The following SGCD variants were observed in gnomAD, a reference collection of about 807,000 sequenced individuals.
The protein encoded by SGCD is delta-sarcoglycan.
A neutral mutation model predicts 36.6 loss-of-function variants in SGCD; 18 were observed. That is an observed-to-expected ratio of 0.49 (90% CI 0.34 to 0.73). The LOEUF (loss-of-function observed/expected upper bound fraction) is 0.73. Ranked by LOEUF, SGCD falls within the 30% of genes least tolerant of loss-of-function variation. The pLI is 0.01. For synonymous variants in SGCD, 133 were observed against 130.6 expected, an observed-to-expected ratio of 1.02 and a Z score of -0.12; for missense variants, 387 against 346.7, an observed-to-expected ratio of 1.12 and a Z score of -0.92.
intron 3 of SGCD, among the ~76,000 whole-genome samples, chr5:156,302,628 G>A (rs1456129505): frequency 6.6e-6 from 1 of 152,100 alleles, no homozygotes; most frequent in African/African-American, 2.4e-5. Context: ...ATTTATTATA[G>A]TCTGGACTTA....
intron 4 of SGCD, among the ~76,000 whole-genome samples, chr5:156,553,517 T>C (rs531357859): frequency 1.3e-5 from 2 of 152,260 alleles, no homozygotes; most frequent in South Asian, 4.1e-4. Context: ...CAGTGGTTTT[T>C]CATATATTTT....
intron 7 of SGCD, among the ~76,000 whole-genome samples, chr5:156,721,696 A>G (rs1755512209): frequency 6.6e-6 from 1 of 152,198 alleles, no homozygotes; most frequent in Non-Finnish European, 1.5e-5. Flanking sequence ...GCAAGATGGT[A>G]TGCTCAAGTG....
At chr5:155,996,863 GGATAGATAGATAGATAGATAGATA>G (rs10696253) in intron 1 of SGCD, among the ~76,000 whole-genome samples, 3,670 of 133,476 alleles carry the variant, frequency 0.027, 135 homozygotes, top group African/African-American at 0.092. Context: ...CTGGATGGAT[GGATAGATAGATAGATAGATAGATA>G]GATAGATAGA....
At chr5:156,176,673 A>G (rs942647068) in intron 3 of SGCD, among the ~76,000 whole-genome samples, 1 of 152,206 alleles carries the variant, frequency 6.6e-6, no homozygotes, top group Non-Finnish European at 1.5e-5. Flanking sequence ...TAGAAGTCTG[A>G]GTGCTTTTTA....
intron 3 of SGCD, among the ~76,000 whole-genome samples, chr5:156,219,538 T>G (rs1294470324): frequency 2.0e-5 from 3 of 152,060 alleles, no homozygotes; most frequent in Non-Finnish European, 4.4e-5. Context: ...GAGAAAAAAT[T>G]TTTTCACATG....
intron 5 of SGCD, among the ~76,000 whole-genome samples, chr5:156,590,411 G>C (rs887445766): frequency 6.6e-6 from 1 of 152,158 alleles, no homozygotes; most frequent in Non-Finnish European, 1.5e-5. Context: ...CTGCCCGGCA[G>C]AGCCCATAAT....
intron 3 of SGCD, among the ~76,000 whole-genome samples, chr5:156,363,282 AC>A (rs1442983719): frequency 6.6e-6 from 1 of 152,102 alleles, no homozygotes; most frequent in Non-Finnish European, 1.5e-5. Flanking sequence ...ATGGTAACTC[AC>A]GTATTTCTAA....
chr5:156,756,801 G>A (rs1439474270), intron 7 of SGCD, among the ~76,000 whole-genome samples: 1 of 152,006 alleles, frequency 6.6e-6, no homozygotes, highest in Non-Finnish European at 1.5e-5. Flanking sequence ...CACAAAACAT[G>A]TTTTCCTTAT....
chr5:156,346,273 T>C (rs1196222477), intron 3 of SGCD, among the ~76,000 whole-genome samples: 2 of 152,168 alleles, frequency 1.3e-5, no homozygotes, highest in East Asian at 1.9e-4. Flanking sequence ...TTCAGTTCTT[T>C]CTAAAAAAAT....
At chr5:156,173,982 A>G (rs7736255) in intron 3 of SGCD, among the ~76,000 whole-genome samples, 1 of 152,172 alleles carries the variant, frequency 6.6e-6, no homozygotes, top group African/African-American at 2.4e-5. Context: ...GAGCATAATT[A>G]TTCCTGTTGA....
At chr5:156,592,700 A>G (rs1040342457) in intron 5 of SGCD, among the ~76,000 whole-genome samples, 3 of 151,966 alleles carry the variant, frequency 2.0e-5, no homozygotes, top group East Asian at 1.9e-4. Flanking sequence ...CCTTGCCCCC[A>G]TTTGTTCTCC....
chr5:156,170,224 GA>G (rs1369821836), intron 3 of SGCD, among the ~76,000 whole-genome samples: 1 of 152,172 alleles, frequency 6.6e-6, no homozygotes, highest in Non-Finnish European at 1.5e-5. Flanking sequence ...TGAAATTGCT[GA>G]AGGAAAACTA....
chr5:156,408,570 G>A (rs1478681830), intron 3 of SGCD, among the ~76,000 whole-genome samples: 1 of 152,144 alleles, frequency 6.6e-6, no homozygotes, highest in Admixed American at 6.5e-5. Flanking sequence ...AGTTGGCCAG[G>A]CTGGTCTTGA....
At chr5:156,646,427 A>T (rs1011118129) in intron 6 of SGCD, among the ~76,000 whole-genome samples, 1 of 152,182 alleles carries the variant, frequency 6.6e-6, no homozygotes, top group African/African-American at 2.4e-5. Flanking sequence ...CGGAACCTAA[A>T]GTCAACCTGG....
intron 1 of SGCD, among the ~76,000 whole-genome samples, chr5:156,030,976 G>A (rs1032433980): frequency 1.3e-4 from 20 of 152,164 alleles, no homozygotes; most frequent in African/African-American, 4.3e-4. Context: ...GTAGATTGGT[G>A]CTAGACCATG....
chr5:156,707,071 A>G (rs1026748760), intron 7 of SGCD, among the ~76,000 whole-genome samples: 1 of 152,224 alleles, frequency 6.6e-6, no homozygotes, highest in African/African-American at 2.4e-5. Context: ...ATATCAAAAT[A>G]TTATTCTATC....
intron 3 of SGCD, among the ~76,000 whole-genome samples, chr5:156,181,438 A>T (rs945577923): frequency 9.2e-5 from 14 of 152,218 alleles, no homozygotes; most frequent in Non-Finnish European, 1.6e-4. Flanking sequence ...GAATTTATGT[A>T]AAGAGAGACT....
At chr5:155,974,997 C>A (rs1242668927) in intron 1 of SGCD, among the ~76,000 whole-genome samples, 1 of 152,144 alleles carries the variant, frequency 6.6e-6, no homozygotes, top group African/African-American at 2.4e-5. Flanking sequence ...GAAATTGACT[C>A]CTCCTTCCCA....
At chr5:156,053,533 T>C (rs1759975620) in intron 1 of SGCD, among the ~76,000 whole-genome samples, 1 of 146,116 alleles carries the variant, frequency 6.8e-6, no homozygotes, top group Admixed American at 6.8e-5. Flanking sequence ...AAATTAAGAA[T>C]GTAAAGACTG....
Sources: gnomAD v4.1 joint callset for allele counts (sites outside exome capture counted in the v4.1 genomes callset) on GRCh38, gnomAD v4.1.1 for gene constraint, MANE v1.5 for transcripts, NCBI Gene and HGNC (gene_info 2026-07-23, HGNC 2026-07-21) for gene names.